Variants in CNTNAP2 observed in about 807,000 individuals in gnomAD.
The protein encoded by CNTNAP2 is contactin associated protein 2, also known as contactin-associated protein-like 2.
Under a neutral mutation model 155.2 loss-of-function variants are expected in CNTNAP2, and 98 were observed. The ratio of observed to expected loss-of-function variants is 0.63; its 90% CI spans 0.54 to 0.75. The LOEUF is 0.75. Ranked by LOEUF, CNTNAP2 falls within the 30% of genes least tolerant of loss-of-function variation. CNTNAP2 has a pLI of 0.00. For missense variants in CNTNAP2, 1,727 were observed against 1,688.1 expected (o/e 1.02, Z -0.40); for synonymous variants, 651 against 631.2 (o/e 1.03, Z -0.47).
At chr7:146,915,664 A>C (rs1322056061) in intron 3 of CNTNAP2, among the ~76,000 whole-genome samples, 2 of 152,134 alleles carry the variant, frequency 1.3e-5, no homozygotes, top group Non-Finnish European at 2.9e-5. Flanking sequence ...ATTTTTGTAC[A>C]TTAATTTTGT....
intron 8 of CNTNAP2, among the ~76,000 whole-genome samples, chr7:147,204,659 T>G (rs1802983724): frequency 6.6e-6 from 1 of 152,140 alleles, no homozygotes; most frequent in Non-Finnish European, 1.5e-5. Flanking sequence ...ATTTATGATT[T>G]TATAGGTAAT....
intron 17 of CNTNAP2, among the ~76,000 whole-genome samples, chr7:148,169,484 G>A (rs1317832665): frequency 6.6e-6 from 1 of 152,098 alleles, no homozygotes; most frequent in Non-Finnish European, 1.5e-5. Context: ...GGAAAAACTG[G>A]ACGACAAGTG....
At chr7:146,431,877 T>C (rs1327705572) in intron 1 of CNTNAP2, among the ~76,000 whole-genome samples, 1 of 152,094 alleles carries the variant, frequency 6.6e-6, no homozygotes, top group African/African-American at 2.4e-5. Context: ...CAGGTTCTTT[T>C]TTAAAAATAG....
At chr7:147,094,994 C>T (rs149268968) in intron 4 of CNTNAP2, among the ~76,000 whole-genome samples, 164 of 151,966 alleles carry the variant, frequency 1.1e-3, no homozygotes, top group African/African-American at 3.3e-3. Flanking sequence ...GCAAGGGCAA[C>T]GCATCTTTCT....
At chr7:147,392,313 CT>C (rs5888251) in intron 9 of CNTNAP2, among the ~76,000 whole-genome samples, 26,166 of 145,408 alleles carry the variant, frequency 0.18, 2,796 homozygotes, top group Non-Finnish European at 0.25. Context: ...GTATCAAATT[CT>C]TTTTTTTTTT....
intron 1 of CNTNAP2, among the ~76,000 whole-genome samples, chr7:146,377,315 C>T (rs1030935660): frequency 6.6e-6 from 1 of 152,178 alleles, no homozygotes; most frequent in African/African-American, 2.4e-5. Flanking sequence ...ACATGCTTCT[C>T]GTTTTCTCCC....
chr7:146,307,996 G>T (rs1282344361), intron 1 of CNTNAP2, among the ~76,000 whole-genome samples: 2 of 152,098 alleles, frequency 1.3e-5, no homozygotes, highest in Admixed American at 1.3e-4. Context: ...TTAAACTAAA[G>T]AGCTTCTGCA....
chr7:146,486,714 G>A (rs555936452), intron 1 of CNTNAP2, among the ~76,000 whole-genome samples: 2 of 152,152 alleles, frequency 1.3e-5, no homozygotes, highest in Non-Finnish European at 2.9e-5. Context: ...AAGTTTAATT[G>A]CCAGGACAAT....
At chr7:148,152,168 A>G (rs972474793) in intron 17 of CNTNAP2, among the ~76,000 whole-genome samples, 2 of 151,998 alleles carry the variant, frequency 1.3e-5, no homozygotes, top group African/African-American at 2.4e-5. Context: ...AGACAATGTT[A>G]TTGCAGTAAA....
rs536438965 is a variant in CNTNAP2 at position 147,525,606 on chromosome 7, A to G, written c.1778-36532A>G. ...GCAGAAGCTAGTGATAAAATATTGG[A>G]TATCTTAAACCAAGTCCTTGAACTT... On this transcript the variant is annotated intron_variant, in intron 11 of 23. Transcript: ENST00000361727. 2.6e-5 allele frequency among the ~76,000 whole-genome samples: 4 copies of G among 152,328 alleles called. No homozygotes were observed. The South Asian group carries it at 8.3e-4, about 32-fold the overall frequency.
At chr7:146,236,615 T>C (rs1464377553) in intron 1 of CNTNAP2, among the ~76,000 whole-genome samples, 3 of 152,150 alleles carry the variant, frequency 2.0e-5, no homozygotes, top group Non-Finnish European at 4.4e-5. Context: ...GATGTAAAGG[T>C]TTTCTTTTTA....
Position 147,931,878 on chromosome 7 carries a change from AT to A in CNTNAP2, c.2255+28161del, listed in dbSNP as rs1004615368. On this transcript the variant is annotated intron_variant, in intron 14 of 23. Coordinates refer to ENST00000361727, the MANE Select transcript of CNTNAP2 (RefSeq NM_014141.6). ...AATAACATTCTTTTTTCTTTATTTTATTTTATTTATTTATTTATTTATTTTG... is the reference window on the plus strand; with the variant it reads ...AATAACATTCTTTTTTCTTTATTTTATTTATTTATTTATTTATTTATTTTG... 1.2e-4 allele frequency among the ~76,000 whole-genome samples: 18 copies of A among 151,894 alleles called. No homozygotes were observed. In the South Asian group the frequency reaches 1.2e-3, roughly 11 times the overall value.
At chr7:147,199,796 G>T (rs895797636) in intron 8 of CNTNAP2, among the ~76,000 whole-genome samples, 12 of 151,220 alleles carry the variant, frequency 7.9e-5, no homozygotes, top group Admixed American at 7.9e-4. Flanking sequence ...GTACATTTTT[G>T]AGAAGTTAGA....
intron 21 of CNTNAP2, among the ~76,000 whole-genome samples, chr7:148,304,827 C>T (rs1797459823): frequency 6.6e-6 from 1 of 152,088 alleles, no homozygotes; most frequent in Non-Finnish European, 1.5e-5. Flanking sequence ...TTTTCCTTTA[C>T]CTTCACCCTT....
At chr7:148,385,625 G>GTATT (rs1202189883) in intron 22 of CNTNAP2, among the ~76,000 whole-genome samples, 8 of 151,426 alleles carry the variant, frequency 5.3e-5, no homozygotes, top group African/African-American at 1.9e-4. Flanking sequence ...TGAGTTTTAT[G>GTATT]TATTATTACT....
intron 20 of CNTNAP2, among the ~76,000 whole-genome samples, chr7:148,248,229 C>A (rs532866098): frequency 6.6e-6 from 1 of 151,646 alleles, no homozygotes; most frequent in African/African-American, 2.4e-5. Context: ...GACAGAGTCC[C>A]GCCCTGTCAT....
intron 9 of CNTNAP2, among the ~76,000 whole-genome samples, chr7:147,352,178 T>C (rs905436770): frequency 6.6e-6 from 1 of 152,064 alleles, no homozygotes; most frequent in Admixed American, 6.6e-5. Context: ...TTGAAATATG[T>C]ATATAATTTA....
intron 10 of CNTNAP2, among the ~76,000 whole-genome samples, chr7:147,440,192 A>G (rs1005308811): frequency 6.6e-6 from 1 of 151,878 alleles, no homozygotes; most frequent in Non-Finnish European, 1.5e-5. Context: ...CTCTGATTAT[A>G]TAATTTAGTT....
intron 15 of CNTNAP2, among the ~76,000 whole-genome samples, chr7:148,036,126 T>C (rs533312054): frequency 6.6e-6 from 1 of 152,320 alleles, no homozygotes; most frequent in South Asian, 2.1e-4. Flanking sequence ...CTCAAGTGAA[T>C]CATGCTGTTA....
Sources: gnomAD v4.1 joint callset for allele counts (sites outside exome capture counted in the v4.1 genomes callset) on GRCh38, gnomAD v4.1.1 for gene constraint, MANE v1.5 for transcripts, NCBI Gene and HGNC (gene_info 2026-07-23, HGNC 2026-07-21) for gene names.